Variants in PKIG observed in about 807,000 individuals in gnomAD.
PKIG encodes protein kinase (cAMP-dependent, catalytic) inhibitor gamma.
Under a neutral mutation model 6.8 loss-of-function variants are expected in PKIG, and 1 was observed. That is an observed-to-expected ratio of 0.15 (90% CI 0.05 to 0.69). PKIG has a LOEUF of 0.69. Among genes scored for constraint, PKIG ranks in the 30% least tolerant of loss-of-function variants. PKIG has a pLI of 0.82. For synonymous variants in PKIG, 39 were observed against 43.0 expected (o/e 0.91, Z 0.36); for missense variants, 77 against 104.0 (o/e 0.74, Z 1.13).
rs201470387 is a variant in PKIG at position 44,608,732 on chromosome 20, TG to T, written c.-23-5801del. Among the ~76,000 whole-genome samples the T allele has an allele frequency of 8.1e-3, 1,234 of 151,416 alleles. 16 individuals are homozygous for T. The highest frequency in any genetic ancestry group is 0.028 in the East Asian group (142 of 5,162). ...ACAGGATTGCTTGAGCCCAGGAAGT[TG>T]AGGCTACAGTGAGCCATGATTGTAC... On this transcript the variant is annotated intron_variant, in intron 2 of 3. Coordinates refer to ENST00000372886, the MANE Select transcript of PKIG (RefSeq NM_001281445.2).
rs566675674 is a variant in PKIG, at chr20:44,611,305, C to T, written c.-23-3229C>T. ...CTGACCTCAGGTGAACTACCCGCCT[C>T]GGCCTCCCAAAGTGCTGGGATTATA... On this transcript the variant is annotated intron_variant, in intron 2 of 3. Coordinates refer to ENST00000372886, the MANE Select transcript of PKIG (RefSeq NM_001281445.2). Among the ~76,000 whole-genome samples, 5 of 152,248 alleles carry T rather than the reference C, an allele frequency of 3.3e-5. No individual in the cohort carries two copies. In the South Asian group the frequency reaches 8.3e-4, roughly 25 times the overall value.
chr20:44,594,456 G>A (rs1157768361), intron 2 of PKIG, among the ~76,000 whole-genome samples: 1 of 152,140 alleles, frequency 6.6e-6, no homozygotes, highest in Non-Finnish European at 1.5e-5. Context: ...AGGTTCCTAG[G>A]AGGAAAGGAC....
At chr20:44,535,791 CT>C (rs2064507463) in intron 1 of PKIG, among the ~76,000 whole-genome samples, 1 of 152,156 alleles carries the variant, frequency 6.6e-6, no homozygotes, top group Non-Finnish European at 1.5e-5. Flanking sequence ...AATACTAGTT[CT>C]TTTTAAAAAT....
intron 1 of PKIG, among the ~76,000 whole-genome samples, chr20:44,555,738 G>A (rs977415233): frequency 2.0e-5 from 3 of 152,114 alleles, no homozygotes; most frequent in African/African-American, 7.2e-5. Flanking sequence ...TTGTCCACTT[G>A]CTAGGGAACC....
chr20:44,608,186 A>G (rs540905789), intron 2 of PKIG, among the ~76,000 whole-genome samples: 3 of 152,344 alleles, frequency 2.0e-5, no homozygotes, highest in Non-Finnish European at 2.9e-5. Context: ...CCACATGCAC[A>G]CATAATCTAA....
At chr20:44,571,211 G>A (rs954557556) in intron 1 of PKIG, among the ~76,000 whole-genome samples, 5 of 146,848 alleles carry the variant, frequency 3.4e-5, no homozygotes, top group South Asian at 2.3e-4. Flanking sequence ...CAGCCTATGC[G>A]ATAGAGAGAC....
At chr20:44,596,248 C>T (rs940970793) in intron 2 of PKIG, among the ~76,000 whole-genome samples, 2 of 152,192 alleles carry the variant, frequency 1.3e-5, no homozygotes, top group Non-Finnish European at 2.9e-5. Context: ...GAATGAATTT[C>T]GACTGAGTCA....
At chr20:44,565,412 G>A (rs2064802289) in intron 1 of PKIG, among the ~76,000 whole-genome samples, 1 of 152,202 alleles carries the variant, frequency 6.6e-6, no homozygotes, top group Non-Finnish European at 1.5e-5. Context: ...AAGCAGAAAG[G>A]TAGTTTTAAC....
At chr20:44,588,155 G>A (rs1600876995) in intron 1 of PKIG, among the ~76,000 whole-genome samples, 1 of 152,226 alleles carries the variant, frequency 6.6e-6, no homozygotes, top group Non-Finnish European at 1.5e-5. Flanking sequence ...CATGTATTTA[G>A]CCAATATTTG....
At chr20:44,562,036 C>T (rs1477923640) in intron 1 of PKIG, among the ~76,000 whole-genome samples, 1 of 152,072 alleles carries the variant, frequency 6.6e-6, no homozygotes, top group South Asian at 2.1e-4. Context: ...TGCCTGTAGT[C>T]CAAGCTGCTT....
chr20:44,561,158 A>G (rs543191523), intron 1 of PKIG, among the ~76,000 whole-genome samples: 1 of 152,342 alleles, frequency 6.6e-6, no homozygotes, highest in South Asian at 2.1e-4. Flanking sequence ...CAACATAGTG[A>G]AACCCCATCT....
At chr20:44,573,280 C>G (rs2064869093) in intron 1 of PKIG, among the ~76,000 whole-genome samples, 1 of 152,268 alleles carries the variant, frequency 6.6e-6, no homozygotes, top group Non-Finnish European at 1.5e-5. Flanking sequence ...CTCCCCCTCT[C>G]TCTCTCTTTA....
chr20:44,583,902 G>C (rs1173681844), intron 1 of PKIG, among the ~76,000 whole-genome samples: 14 of 152,116 alleles, frequency 9.2e-5, no homozygotes, highest in Non-Finnish European at 8.8e-5. Flanking sequence ...CATAAAACAG[G>C]CAACATTAAG....
upstream of PKIG, among the ~76,000 whole-genome samples, chr20:44,581,913 G>A (rs575683312): frequency 6.6e-6 from 1 of 152,302 alleles, no homozygotes; most frequent in East Asian, 1.9e-4. Context: ...TCTCAGAAGT[G>A]GAAAGCACCA....
chr20:44,539,216 G>A (rs766576004), intron 1 of PKIG, among the ~76,000 whole-genome samples: 1 of 151,832 alleles, frequency 6.6e-6, no homozygotes, highest in Non-Finnish European at 1.5e-5. Context: ...TACTACAGGC[G>A]TGAGCCATCA....
intron 1 of PKIG, among the ~76,000 whole-genome samples, chr20:44,576,694 G>A (rs1427238258): frequency 6.6e-6 from 1 of 152,110 alleles, no homozygotes; most frequent in Admixed American, 6.5e-5. Context: ...CCTTTCAGCT[G>A]CAAAAATCAA....
chr20:44,583,402 G>A (rs1168031171), intron 1 of PKIG, among the ~76,000 whole-genome samples: 4 of 152,158 alleles, frequency 2.6e-5, no homozygotes, highest in Non-Finnish European at 4.4e-5. Context: ...TTATTTGTTG[G>A]TATCTGTTTT....
intron 2 of PKIG, among the ~76,000 whole-genome samples, chr20:44,603,596 C>CGCT (rs747643944): frequency 5.3e-5 from 8 of 152,136 alleles, no homozygotes; most frequent in Non-Finnish European, 1.0e-4. Context: ...GAGTTAGGAC[C>CGCT]GCTAGATCAA....
chr20:44,599,191 TC>T, intron 2 of PKIG, among the ~76,000 whole-genome samples: 1 of 152,206 alleles, frequency 6.6e-6, no homozygotes, highest in Middle Eastern at 3.4e-3. Context: ...AAAAAGAAGG[TC>T]AGAAAAGGGA....
Sources: allele counts gnomAD v4.1 joint callset (sites outside exome capture counted in the v4.1 genomes callset), GRCh38; gene constraint gnomAD v4.1.1; transcripts MANE v1.5; gene names NCBI Gene and HGNC (gene_info 2026-07-23, HGNC 2026-07-21).